The following CALM2 variants were observed in gnomAD, a reference collection of about 807,000 sequenced individuals.
CALM2 encodes calmodulin-2.
CALM2 carries 2 observed loss-of-function variants against 19.8 expected under a neutral mutation model. That is an observed-to-expected ratio of 0.10 (90% CI 0.04 to 0.32). CALM2 has a LOEUF of 0.32. Ranked by LOEUF, CALM2 falls within the 10% of genes least tolerant of loss-of-function variation. The probability of loss-of-function intolerance (pLI) is 1.00; values close to 1 mark genes in which losing one functional copy is unlikely to be tolerated. For synonymous variants in CALM2, 51 were observed against 52.1 expected (o/e 0.98, Z 0.09); for missense variants, 38 against 178.7 (o/e 0.21, Z 4.49).
intron 1 of CALM2, chr2:47,172,491 A>G (rs1372944537): frequency 8.2e-7 from 1 of 1,219,206 alleles, no homozygotes; most frequent in Non-Finnish European, 1.1e-6. Flanking sequence ...ATTATTTCAT[A>G]TAAATTAACA....
chr2:47,172,817 G>C lies in CALM2; in HGVS notation c.4-2053C>G, dbSNP rs1321825696. The C allele has an allele frequency of 6.1e-5, 5 of 82,166 alleles. 1 individual carries two copies. The highest frequency in any genetic ancestry group is 1.3e-3 in the South Asian group (2 of 1,570). The allele number at this position is 82,166 out of a possible 1,614,324, so 5.1% of individuals were successfully genotyped here. On this transcript the variant is annotated intron_variant, in intron 1 of 5. Coordinates refer to ENST00000272298, the MANE Select transcript of CALM2 (RefSeq NM_001743.6). Reference sequence around the variant, plus strand: ...TCTCTCTACATGGGTTGGGGGGGGGGGGGGGGTGGGAAATGGGACTTTGGG... The same window carrying C: ...TCTCTCTACATGGGTTGGGGGGGGGCGGGGGGTGGGAAATGGGACTTTGGG...
rs751897252 is a variant in CALM2 at position 47,175,097 on chromosome 2, T to TTTTTTTTTTTTTC, written c.3+1343_3+1344insGAAAAAAAAAAAA. 4.3e-3 allele frequency among the ~76,000 whole-genome samples: 543 copies of TTTTTTTTTTTTTC among 126,532 alleles called. 29 individuals carry two copies. Among genetic ancestry groups the TTTTTTTTTTTTTC allele is most frequent in the African/African-American group, 0.017 (433 of 25,430 alleles). 83.0% of individuals were successfully genotyped at this position (126,532 alleles called of 152,430 possible). On this transcript the variant is annotated intron_variant, in intron 1 of 5. Transcript: ENST00000272298. Reference sequence around the variant, plus strand: ...TCATTAGGTGTTTTTTTTTTTTTTTTTCAGGAAAGAACATGATCTCCCAGT... The same window carrying TTTTTTTTTTTTTC: ...TCATTAGGTGTTTTTTTTTTTTTTTTTTTTTTTTTTTTCTCAGGAAAGAACATGATCTCCCAGT...
At chr2:47,162,756 T>G in intron 2 of CALM2, 94 bp from the exon 3 acceptor site, 2 of 1,081,818 alleles carry the variant, frequency 1.8e-6, no homozygotes, top group Non-Finnish European at 2.6e-6. Flanking sequence ...TACTCAGTGG[T>G]GGGATCGTGC....
intron 1 of CALM2, among the ~76,000 whole-genome samples, chr2:47,175,304 T>C (rs1666817746): frequency 6.6e-6 from 1 of 152,142 alleles, no homozygotes; most frequent in Non-Finnish European, 1.5e-5. Flanking sequence ...TGTTTTTATG[T>C]GGTCGTGGTT....
chr2:47,176,892 T>G, upstream of CALM2: 1 of 985,368 alleles, frequency 1.0e-6, no homozygotes. Flanking sequence ...CGGGACGCGG[T>G]GCGGCTTCTG....
chr2:47,169,550 G>C (rs1486513460), intron 2 of CALM2, among the ~76,000 whole-genome samples: 4 of 151,946 alleles, frequency 2.6e-5, no homozygotes, highest in Non-Finnish European at 5.9e-5. Flanking sequence ...TTTGCTTTTT[G>C]TTCATAACAG....
chr2:47,172,283 G>A, intron 1 of CALM2: 1 of 331,830 alleles, frequency 3.0e-6, no homozygotes, highest in South Asian at 2.4e-5. Context: ...TGCGTGGCGT[G>A]GGGGGAAAGC....
intron 2 of CALM2, among the ~76,000 whole-genome samples, chr2:47,165,036 C>A (rs1037471886): frequency 2.0e-5 from 3 of 152,162 alleles, no homozygotes; most frequent in African/African-American, 7.2e-5. Context: ...TTGCCCTTAT[C>A]CCTCCCCAAA....
At chr2:47,161,891 A>C in intron 4 of CALM2, 33 bp from the exon 5 acceptor site, 1 of 1,573,012 alleles carries the variant, frequency 6.4e-7, no homozygotes, top group Non-Finnish European at 8.7e-7. Flanking sequence ...TTCTGAGTCA[A>C]ATTACAGACT....
Position 47,161,708 on chromosome 2 carries a change from G to T in CALM2, c.421+15C>A. 1 of 1,604,934 alleles carries T rather than the reference G, an allele frequency of 6.2e-7. No homozygotes were observed. The highest frequency in any genetic ancestry group is 1.1e-5 in the South Asian group (1 of 89,672). On this transcript the variant is annotated intron_variant, in intron 5 of 5. Transcript: ENST00000272298. ...AATCAAAGTGAAGAATGAGGCGTGA[G>T]ACTGAAACATTTACCTTCATAGTTT...
chr2:47,172,877 G>T (rs1177145920), intron 1 of CALM2: 1 of 150,650 alleles, frequency 6.6e-6, no homozygotes, highest in Non-Finnish European at 1.5e-5. Context: ...GAAGCCTTAG[G>T]AAGAAACGAG....
rs751897252 is a variant in CALM2 at position 47,175,097 on chromosome 2, T to TTTTTTTTTTTTTTC, written c.3+1343_3+1344insGAAAAAAAAAAAAA. The stretch of plus-strand genomic sequence containing the variant: ...TCATTAGGTGTTTTTTTTTTTTTTT[T>TTTTTTTTTTTTTTC]TCAGGAAAGAACATGATCTCCCAGT... On this transcript the variant is annotated intron_variant, in intron 1 of 5. Transcript: ENST00000272298. Among the ~76,000 whole-genome samples, 64 of 126,624 alleles carry TTTTTTTTTTTTTTC rather than the reference T, an allele frequency of 5.1e-4. 2 individuals are homozygous for TTTTTTTTTTTTTTC. The highest frequency in any genetic ancestry group is 2.2e-3 in the African/African-American group (56 of 25,490). 83.1% of individuals were successfully genotyped at this position (126,624 alleles called of 152,430 possible).
chr2:47,166,622 C>A (rs892912678), intron 2 of CALM2, among the ~76,000 whole-genome samples: 1 of 152,046 alleles, frequency 6.6e-6, no homozygotes, highest in African/African-American at 2.4e-5. Flanking sequence ...TATTTTTATA[C>A]TAAAGAGTAA....
chr2:47,176,274 C>T, intron 1 of CALM2, 167 bp downstream of exon 1: 1 of 738,092 alleles, frequency 1.4e-6, no homozygotes, highest in Non-Finnish European at 2.2e-6. Flanking sequence ...GGTGGGGGAG[C>T]ACCTGCGACA....
chr2:47,172,743 T>C, intron 1 of CALM2: 1 of 206,386 alleles, frequency 4.8e-6, no homozygotes, highest in Non-Finnish European at 9.4e-6. Context: ...GCAGCCTGTG[T>C]GAAAGTTGAA....
In CALM2 at chr2:47,160,816, G is replaced by T; in HGVS notation, c.422-12C>A. 1.1e-6 allele frequency: 1 copy of T among 915,472 alleles called. No individual in the cohort carries two copies. The highest frequency in any genetic ancestry group is 1.4e-6 in the Non-Finnish European group (1 of 712,426). 56.7% of individuals were successfully genotyped at this position (915,472 alleles called of 1,614,324 possible). On this transcript the variant is annotated splice_polypyrimidine_tract_variant and intron_variant, in intron 5 of 5. Coordinates refer to ENST00000272298, the MANE Select transcript of CALM2 (RefSeq NM_001743.6). ...CATTTGTACAAACTCTGAAAAAGAA[G>T]AAGTACACAAAAAATGAGTCAATAG...
chr2:47,176,800 T>C (rs2103859941), upstream of CALM2: 1 of 985,450 alleles, frequency 1.0e-6, no homozygotes, highest in Non-Finnish European at 1.2e-6. Flanking sequence ...GTGGCGGCGA[T>C]GCGTCCCCCG....
At chr2:47,167,817 T>TTTTTTTTTTTTTTTTTTTTTTTTTTTG (rs70940664) in intron 2 of CALM2, 1 of 142,978 alleles carries the variant, frequency 7.0e-6, no homozygotes. Flanking sequence ...TTCTTTTCTT[T>TTTTTTTTTTTTTTTTTTTTTTTTTTTG]GAGACAGGGT....
At chr2:47,172,581 C>G in intron 1 of CALM2, 1 of 626,622 alleles carries the variant, frequency 1.6e-6, no homozygotes, top group South Asian at 2.0e-5. Flanking sequence ...TTTATTAAGC[C>G]CTTTATGGTA....
Sources: allele counts gnomAD v4.1 joint callset (sites outside exome capture counted in the v4.1 genomes callset), GRCh38; gene constraint gnomAD v4.1.1; transcripts MANE v1.5; gene names NCBI Gene and HGNC (gene_info 2026-07-23, HGNC 2026-07-21).